The following NISCH variants were observed in gnomAD, a reference collection of about 807,000 sequenced individuals.
NISCH encodes the protein nischarin, also known as I-1 receptor candidate protein.
A neutral mutation model predicts 138.4 loss-of-function variants in NISCH; 55 were observed. The observed-to-expected ratio is 0.40, with a 90% confidence interval of 0.32 to 0.50. The LOEUF is 0.50. NISCH is among the 20% of genes least tolerant of loss of function. NISCH has a pLI of 0.71. For missense variants in NISCH, 1,643 were observed against 2,005.5 expected (o/e 0.82, Z 3.45); for synonymous variants, 860 against 861.5 (o/e 1.00, Z 0.03).
At chr3:52,471,053 G>A in intron 4 of NISCH, 146 bp downstream of exon 4, 2 of 749,050 alleles carry the variant, frequency 2.7e-6, no homozygotes, top group Non-Finnish European at 4.7e-6. Flanking sequence ...TGGTCCTTCA[G>A]TACTCTTGAG....
At chr3:52,472,039 G>T in intron 5 of NISCH, 62 bp downstream of exon 5, 1 of 1,498,990 alleles carries the variant, frequency 6.7e-7, no homozygotes, top group South Asian at 1.3e-5. Flanking sequence ...AACCTGCGGG[G>T]GACTGGCTGG....
Position 52,470,848 on chromosome 3 carries a change from G to A in NISCH, c.361-11G>A, listed in dbSNP as rs1355653085. 1 of 1,614,086 alleles carries A rather than the reference G, an allele frequency of 6.2e-7. No individual in the cohort carries two copies. Among genetic ancestry groups the A allele is most frequent in the Non-Finnish European group, 8.5e-7 (1 of 1,179,970 alleles). On this transcript the variant is annotated splice_polypyrimidine_tract_variant and intron_variant, in intron 3 of 20. Coordinates refer to ENST00000345716, the MANE Select transcript of NISCH (RefSeq NM_007184.4). ...TGGACTTTCTAAGGGCAAATTTTGT[G>A]TTCTCTGCAGGAGATAAATGGCATC... is the stretch of plus-strand genomic sequence containing the variant.
In NISCH at chr3:52,480,304, G is replaced by T; in HGVS notation, c.1528+9G>T. 1 of 1,613,752 alleles carries T rather than the reference G, an allele frequency of 6.2e-7. No individual in the cohort carries two copies. The highest frequency in any genetic ancestry group is 1.3e-5 in the African/African-American group (1 of 75,046). On this transcript the variant is annotated intron_variant, in intron 13 of 20. Coordinates refer to ENST00000345716, the MANE Select transcript of NISCH (RefSeq NM_007184.4). ...CATCCTCTCTAACCAAGGTAATCGT[G>T]TATGTATCTTGCTTCTAGTGGAGCC...
chr3:52,479,642 ATCC>A, intron 11 of NISCH, 104 bp from the exon 12 acceptor site: 1 of 825,862 alleles, frequency 1.2e-6, no homozygotes, highest in East Asian at 2.7e-5. Context: ...GAGCCCTACC[ATCC>A]TCCTGCCATG....
intron 7 of NISCH, among the ~76,000 whole-genome samples, chr3:52,476,114 G>A (rs1199154523): frequency 1.3e-5 from 2 of 152,212 alleles, no homozygotes; most frequent in African/African-American, 4.8e-5. Context: ...CTCCAGCCTG[G>A]GTGACAGAGC....
chr3:52,464,157 G>T (rs2153230843), intron 3 of NISCH, among the ~76,000 whole-genome samples: 2 of 152,022 alleles, frequency 1.3e-5, no homozygotes, highest in East Asian at 3.9e-4. Context: ...CAGCACTTTG[G>T]AAGGCTGAGG....
chr3:52,476,683 A>G (rs993115109), intron 8 of NISCH, 84 bp downstream of exon 8: 3 of 1,362,382 alleles, frequency 2.2e-6, no homozygotes, highest in African/African-American at 1.4e-5. Flanking sequence ...TTTTTTAGGA[A>G]GGACCACGGA....
Position 52,478,533 on chromosome 3 carries a change from T to G in NISCH, c.1258T>G (p.Tyr420Asp). The change falls in exon 11 of 21, where the codon TAC (tyrosine) becomes GAC (aspartate). Residue 420 changes from tyrosine (Y) to aspartate (D), a missense_variant. Physicochemically the swap from Tyr to Asp is radical, Grantham distance 160. Coordinates refer to ENST00000345716, the MANE Select transcript of NISCH (RefSeq NM_007184.4). ...LNNPLSIIPD[Y>D]RTKVLAQFGE... is the part of the protein sequence containing the mutation. ...CAACCCTCTGAGCATCATCCCCGAC[T>G]ACCGGACCAAGGTGCTGGCTCAGTT... is the stretch of plus-strand genomic sequence containing the variant. 6.2e-7 allele frequency: 1 copy of G among 1,614,168 alleles called. No homozygotes were observed. Among genetic ancestry groups the G allele is most frequent in the Non-Finnish European group, 8.5e-7 (1 of 1,180,022 alleles).
At chr3:52,468,677 C>T (rs924968634) in intron 3 of NISCH, among the ~76,000 whole-genome samples, 5 of 152,118 alleles carry the variant, frequency 3.3e-5, no homozygotes, top group Non-Finnish European at 7.3e-5. Context: ...CTTTTCCATT[C>T]GGCCCTGCAC....
rs558708730 is a variant in NISCH at position 52,492,556 on chromosome 3, A to G, written c.*74A>G. The G allele has an allele frequency of 2.2e-5, 32 of 1,467,472 alleles. No homozygotes were observed. The African/African-American group carries it at 3.4e-4, about 16-fold the overall frequency. 90.9% of individuals were successfully genotyped at this position (1,467,472 alleles called of 1,614,324 possible). ...AGGGCAGCAGGCTTTTGTGTTCTCT[A>G]AAAATGTTTTATCCTCCCTTTGGTA... On this transcript the variant is annotated 3_prime_UTR_variant, in exon 21 of 21. Transcript: ENST00000345716.
intron 3 of NISCH, among the ~76,000 whole-genome samples, chr3:52,466,582 T>C (rs1214273645): frequency 7.7e-6 from 1 of 130,030 alleles, no homozygotes; most frequent in African/African-American, 2.9e-5. Context: ...AAAAAAAAAA[T>C]AGTGAGACAA....
Position 52,471,945 on chromosome 3 carries a change from C to T in NISCH, c.541C>T (p.Leu181=). The part of the protein sequence containing the change: ...GDAKTDLGHI[L]DFTCRLKYLK... ...TGCCAAGACCGACCTCGGGCACATC[C>T]TGGACTTCACCTGTCGCCTTAAGTA... Residue 181 remains leucine, a synonymous_variant, in exon 5 of 21, where the codon CTG becomes TTG. Coordinates refer to ENST00000345716, the MANE Select transcript of NISCH (RefSeq NM_007184.4). 2 of 1,607,672 alleles carry T rather than the reference C, an allele frequency of 1.2e-6. No homozygotes were observed. The highest frequency in any genetic ancestry group is 2.2e-5 in the East Asian group (1 of 44,708).
chr3:52,474,539 A>G (rs901447525), intron 7 of NISCH, among the ~76,000 whole-genome samples: 1 of 151,356 alleles, frequency 6.6e-6, no homozygotes, highest in Non-Finnish European at 1.5e-5. Flanking sequence ...CTCGTGATCC[A>G]CCCGCCTCGG....
rs142530239 is a variant in NISCH, at chr3:52,478,277, G to A, written c.1168G>A (p.Glu390Lys). 29 of 1,613,970 alleles carry A rather than the reference G, an allele frequency of 1.8e-5. No homozygotes were observed. In the African/African-American group the frequency reaches 1.9e-4, roughly 10 times the overall value. The change falls in exon 10 of 21, where the codon GAA becomes AAA. Residue 390 changes from glutamate (E) to lysine (K), a missense_variant. By Grantham distance (56) the Glu-to-Lys change is moderately conservative. Coordinates refer to ENST00000345716, the MANE Select transcript of NISCH (RefSeq NM_007184.4). ...VNLDLRDNRIEQMEEVRSIGS... is the reference protein window; with the variant it reads ...VNLDLRDNRIKQMEEVRSIGS... ...CCTGGATCTCCGGGACAACAGGATCGAACAGGTGAGCCCAAGGACCTCACA... is the reference window on the plus strand; with the variant it reads ...CCTGGATCTCCGGGACAACAGGATCAAACAGGTGAGCCCAAGGACCTCACA...
chr3:52,476,492 G>A lies in NISCH; in HGVS notation c.811G>A (p.Glu271Lys), dbSNP rs1323605467. The A allele has an allele frequency of 6.2e-7, 1 of 1,613,974 alleles. No homozygotes were observed. Among genetic ancestry groups the A allele is most frequent in the Non-Finnish European group, 8.5e-7 (1 of 1,180,018 alleles). ...EASEFDEWEP[E>K]GTTLEGPVTA... The stretch of plus-strand genomic sequence containing the variant: ...CTCAGAATTTGATGAGTGGGAGCCT[G>A]AAGGCACAACCCTAGAAGGCCCTGT... The change falls in exon 8 of 21, where the codon GAA becomes AAA. Residue 271 changes from glutamate (E) to lysine (K), a missense_variant. By Grantham distance (56) the Glu-to-Lys change is moderately conservative (BLOSUM62 1). Transcript: ENST00000345716.
chr3:52,458,650 GT>G lies in NISCH; in HGVS notation c.178-5del, dbSNP rs745812464. ...CTTAGTCTGTGGTTGATGTGCTTATGTTTTTTTACAGCTCGTTGCAGAGAGA... is the reference window on the plus strand; with the variant it reads ...CTTAGTCTGTGGTTGATGTGCTTATGTTTTTTACAGCTCGTTGCAGAGAGA... On this transcript the variant is annotated splice_polypyrimidine_tract_variant and intron_variant, in intron 2 of 20. Coordinates refer to ENST00000345716, the MANE Select transcript of NISCH (RefSeq NM_007184.4). 53 of 1,609,220 alleles carry G rather than the reference GT, an allele frequency of 3.3e-5. No individual in the cohort carries two copies. Among genetic ancestry groups the G allele is most frequent in the Non-Finnish European group, 1.6e-5 (19 of 1,178,112 alleles).
intron 14 of NISCH, 139 bp from the exon 15 acceptor site, chr3:52,485,639 C>T: frequency 3.2e-6 from 3 of 923,368 alleles, no homozygotes; most frequent in East Asian, 5.4e-5. Flanking sequence ...AGAGTGGGCT[C>T]CAGGGTACAG....
At position 52,492,246 on chromosome 3, in the gene NISCH, C is replaced by T. The variant is rs774006625; in HGVS notation, c.4279C>T (p.Pro1427Ser). 1.2e-6 allele frequency: 2 copies of T among 1,613,206 alleles called. No individual in the cohort carries two copies. The highest frequency in any genetic ancestry group is 1.7e-5 in the Admixed American group (1 of 60,036). Reference protein sequence around the residue: ...DRVLMGYQTYPQALTLVFDDV... With the variant: ...DRVLMGYQTYSQALTLVFDDV... ...AGTGCTCATGGGCTACCAGACCTAC[C>T]CGCAGGCCCTCACCCTCGTCTTCGA... is the stretch of plus-strand genomic sequence containing the variant. The change falls in exon 21 of 21, where the codon CCG becomes TCG. Residue 1427 changes from proline to serine, a missense_variant. Physicochemically the swap from Pro to Ser is moderately conservative, Grantham distance 74 (BLOSUM62 -1). Coordinates refer to ENST00000345716, the MANE Select transcript of NISCH (RefSeq NM_007184.4).
intron 7 of NISCH, among the ~76,000 whole-genome samples, chr3:52,474,886 AG>A (rs1559631816): frequency 1.3e-5 from 2 of 152,216 alleles, no homozygotes; most frequent in Non-Finnish European, 2.9e-5. Flanking sequence ...CTTGATTAGA[AG>A]GTGAGGTTGT....
Sources: gnomAD v4.1 joint callset for allele counts (sites outside exome capture counted in the v4.1 genomes callset) on GRCh38, gnomAD v4.1.1 for gene constraint, MANE v1.5 for transcripts, NCBI Gene and HGNC (gene_info 2026-07-23, HGNC 2026-07-21) for gene names.